EPSTI1: variants seen among roughly 807,000 people sequenced by gnomAD.
The protein encoded by EPSTI1 is epithelial-stromal interaction protein 1.
In EPSTI1, 66 loss-of-function variants were observed where a neutral mutation model predicts 49.9. The ratio of observed to expected loss-of-function variants is 1.32; its 90% CI spans 1.08 to 1.62. The LOEUF is 1.62. EPSTI1 is among the 40% of genes most tolerant of loss of function. The pLI, the probability that EPSTI1 is intolerant of heterozygous loss-of-function variation, is 0.00. For synonymous variants in EPSTI1, 137 were observed against 130.7 expected, an observed-to-expected ratio of 1.05 and a Z score of -0.33; for missense variants, 394 against 365.5, an observed-to-expected ratio of 1.08 and a Z score of -0.64.
chr13:42,911,268 CGCGCACGCGCGCACACGTGTGTGAGT>C (rs1480658805), intron 8 of EPSTI1, among the ~76,000 whole-genome samples: 2 of 96,002 alleles, frequency 2.1e-5, no homozygotes, highest in African/African-American at 3.2e-5. Flanking sequence ...TGTGTGTGCG[CGCGCACGCGCGCACACGTGTGTGAGT>C]GTGCACATGC....
chr13:42,889,013 C>T (rs773059333), intron 10 of EPSTI1, among the ~76,000 whole-genome samples: 4 of 152,268 alleles, frequency 2.6e-5, no homozygotes, highest in African/African-American at 4.8e-5. Flanking sequence ...TGCTGGGCCA[C>T]GCTACGTATG....
At chr13:42,889,905 C>T (rs991474081) in intron 10 of EPSTI1, among the ~76,000 whole-genome samples, 4 of 152,028 alleles carry the variant, frequency 2.6e-5, no homozygotes, top group Non-Finnish European at 5.9e-5. Context: ...TTCCTTCCTA[C>T]TTATAAGCTT....
rs1197674082 is a variant in EPSTI1 at position 42,886,918 on chromosome 13, G to A, written c.*1576C>T. The A allele has an allele frequency of 1.3e-5, 2 of 151,998 alleles. No individual in the cohort carries two copies. The highest frequency in any genetic ancestry group is 6.6e-5 in the Admixed American group (1 of 15,258). The allele number at this position is 151,998 out of a possible 1,614,324, so 9.4% of individuals were successfully genotyped here. ...GTAAGAAAGCATCCCTTTTTCCTAC[G>A]TCAACTCCTGGTTGCATGCTGGAAA... On this transcript the variant is annotated 3_prime_UTR_variant, in exon 11 of 11. Coordinates refer to ENST00000313624, the MANE Select transcript of EPSTI1 (RefSeq NM_033255.5).
chr13:42,931,515 C>T (rs1193327159), intron 6 of EPSTI1, among the ~76,000 whole-genome samples: 3 of 152,234 alleles, frequency 2.0e-5, no homozygotes, highest in African/African-American at 7.2e-5. Flanking sequence ...TTGCCTGCAG[C>T]TTTTAATGCC....
intron 1 of EPSTI1, among the ~76,000 whole-genome samples, chr13:42,985,378 G>A (rs559999020): frequency 2.4e-3 from 359 of 152,224 alleles, no homozygotes; most frequent in Non-Finnish European, 3.6e-3. Flanking sequence ...CCTTGCAGAA[G>A]TACTTTTTGT....
At chr13:42,938,155 T>C (rs1293401777) in intron 6 of EPSTI1, among the ~76,000 whole-genome samples, 1 of 152,120 alleles carries the variant, frequency 6.6e-6, no homozygotes, top group Non-Finnish European at 1.5e-5. Context: ...AATATCCTAA[T>C]AGGTATTAGA....
chr13:42,897,602 T>C (rs896452208), intron 9 of EPSTI1, among the ~76,000 whole-genome samples: 4 of 152,198 alleles, frequency 2.6e-5, no homozygotes, highest in Non-Finnish European at 5.9e-5. Context: ...GCAATTGCTC[T>C]CAATTCACTC....
At chr13:42,942,882 G>A (rs1363310220) in intron 6 of EPSTI1, among the ~76,000 whole-genome samples, 2 of 151,434 alleles carry the variant, frequency 1.3e-5, no homozygotes, top group East Asian at 3.9e-4. Context: ...TAGAGACGGG[G>A]TTTCACCTTG....
In EPSTI1 at chr13:42,886,925, C is replaced by G. The variant is rs1280960619; in HGVS notation, c.*1569G>C. On this transcript the variant is annotated 3_prime_UTR_variant, in exon 11 of 11. Coordinates refer to ENST00000313624, the MANE Select transcript of EPSTI1 (RefSeq NM_033255.5). Reference sequence around the variant, plus strand: ...AGCATCCCTTTTTCCTACGTCAACTCCTGGTTGCATGCTGGAAAATGCAGC... The same window carrying G: ...AGCATCCCTTTTTCCTACGTCAACTGCTGGTTGCATGCTGGAAAATGCAGC... 2 of 152,120 alleles carry G rather than the reference C, an allele frequency of 1.3e-5. No homozygotes were observed. The highest frequency in any genetic ancestry group is 2.9e-5 in the Non-Finnish European group (2 of 68,036). The allele number at this position is 152,120 out of a possible 1,614,324, so 9.4% of individuals were successfully genotyped here.
intron 4 of EPSTI1, chr13:42,963,625 G>A: frequency 2.6e-6 from 1 of 390,936 alleles, no homozygotes; most frequent in East Asian, 4.5e-5. Flanking sequence ...TGTGGTGTGT[G>A]TGTGTATTGG....
At chr13:42,895,528 C>T (rs2037165765) in intron 9 of EPSTI1, among the ~76,000 whole-genome samples, 1 of 152,172 alleles carries the variant, frequency 6.6e-6, no homozygotes, top group African/African-American at 2.4e-5. Flanking sequence ...AGATAGATGT[C>T]CTTCCTATAT....
At chr13:42,909,564 G>A (rs1347786954) in intron 8 of EPSTI1, among the ~76,000 whole-genome samples, 5 of 151,906 alleles carry the variant, frequency 3.3e-5, no homozygotes, top group African/African-American at 1.2e-4. Context: ...TAAAGAAAAT[G>A]TGGGATATAC....
At chr13:42,963,448 C>T (rs1301844382) in intron 4 of EPSTI1, 110 bp from the exon 5 acceptor site, 1 of 785,964 alleles carries the variant, frequency 1.3e-6, no homozygotes, top group Non-Finnish European at 2.0e-6. Flanking sequence ...TTGTGCTATA[C>T]CTCACCATGA....
chr13:42,906,280 CA>C (rs1402799095), intron 8 of EPSTI1, among the ~76,000 whole-genome samples: 1 of 137,174 alleles, frequency 7.3e-6, no homozygotes, highest in Non-Finnish European at 1.7e-5. Context: ...ATACAACAGA[CA>C]GGTGTGTGTA....
intron 3 of EPSTI1, among the ~76,000 whole-genome samples, 155 bp downstream of exon 3, chr13:42,968,921 TACACACACACACACACAC>T: frequency 8.5e-6 from 1 of 117,636 alleles, no homozygotes; most frequent in Non-Finnish European, 1.7e-5. Context: ...AAAAAAAAAA[TACACACACACACACACAC>T]ACACACACAC....
At chr13:42,930,105 ATTATC>A in intron 6 of EPSTI1, among the ~76,000 whole-genome samples, 1 of 152,230 alleles carries the variant, frequency 6.6e-6, no homozygotes, top group East Asian at 1.9e-4. Context: ...AATATGCATA[ATTATC>A]TTAAGTCTAC....
At chr13:42,889,329 TTTAAA>T (rs2036961915) in intron 10 of EPSTI1, 2 of 835,434 alleles carry the variant, frequency 2.4e-6, no homozygotes, top group Non-Finnish European at 3.6e-6. Flanking sequence ...AGAAGACTGA[TTTAAA>T]TTAACAATGA....
intron 8 of EPSTI1, among the ~76,000 whole-genome samples, chr13:42,910,698 T>C (rs1330868157): frequency 1.3e-5 from 2 of 152,176 alleles, no homozygotes; most frequent in East Asian, 3.8e-4. Flanking sequence ...ATCAAGTTGG[T>C]TAAAAAATAT....
At position 42,979,836 on chromosome 13, in the gene EPSTI1, C is replaced by A. The variant is rs186989879; in HGVS notation, c.189-9166G>T. Among the ~76,000 whole-genome samples, 5 of 152,156 alleles carry A rather than the reference C, an allele frequency of 3.3e-5. No individual in the cohort carries two copies. The East Asian group carries it at 9.6e-4, about 29-fold the overall frequency. On this transcript the variant is annotated intron_variant, in intron 1 of 10. Coordinates refer to ENST00000313624, the MANE Select transcript of EPSTI1 (RefSeq NM_033255.5). ...ACTTAAATATAATACCATTATCACACCAAGAAATTTAACATTAATATTGCC... is the reference window on the plus strand; with the variant it reads ...ACTTAAATATAATACCATTATCACAACAAGAAATTTAACATTAATATTGCC...
Sources: gnomAD v4.1 joint callset for allele counts (sites outside exome capture counted in the v4.1 genomes callset) on GRCh38, gnomAD v4.1.1 for gene constraint, MANE v1.5 for transcripts, NCBI Gene and HGNC (gene_info 2026-07-23, HGNC 2026-07-21) for gene names.